The following NR2C2 variants were observed in gnomAD, a reference collection of about 807,000 sequenced individuals.
The protein encoded by NR2C2 is nuclear receptor subfamily 2 group C member 2, also known as Nuclear hormone receptor TR4.
A neutral mutation model predicts 62.9 loss-of-function variants in NR2C2; 6 were observed. The observed-to-expected ratio is 0.10, with a 90% CI of 0.05 to 0.19. The LOEUF (loss-of-function observed/expected upper bound fraction) is 0.19, where lower values mean the gene tolerates loss of function less well. NR2C2 is among the 10% of genes least tolerant of loss of function. The pLI, the probability that NR2C2 is intolerant of heterozygous loss-of-function variation, is 1.00. For missense variants in NR2C2, 479 were observed against 762.7 expected (o/e 0.63, Z 4.38); for synonymous variants, 272 against 273.8 (o/e 0.99, Z 0.07).
chr3:15,023,203 T>G lies in NR2C2; in HGVS notation c.560T>G (p.Val187Gly), dbSNP rs761862106. The change falls in exon 6 of 14, where the codon GTG becomes GGG. Residue 187 changes from valine (V) to glycine (G), a missense_variant. Physicochemically the swap from Val to Gly is moderately radical, Grantham distance 109 (BLOSUM62 -3). This residue lies in a region of NR2C2 where 51 missense variants were observed against 137.5 expected (regional missense o/e 0.37). Transcript: ENST00000425241. ...AATATTTATGTTGTGATTTAAGCTG[T>G]GCAGAGTGAACGGAAGCCCTTCGAT... ...CLEMGMKMES[V>G]QSERKPFDVQ... 1 of 1,614,200 alleles carries G rather than the reference T, an allele frequency of 6.2e-7. No homozygotes were observed. The highest frequency in any genetic ancestry group is 8.5e-7 in the Non-Finnish European group (1 of 1,180,006).
chr3:14,974,792 CAG>C (rs1470508081), intron 1 of NR2C2, among the ~76,000 whole-genome samples: 14 of 151,892 alleles, frequency 9.2e-5, no homozygotes, highest in Admixed American at 9.2e-4. Context: ...TTACTAGAGA[CAG>C]GGTTTCACCA....
At chr3:14,984,046 G>T (rs570945107) in intron 1 of NR2C2, among the ~76,000 whole-genome samples, 1 of 151,906 alleles carries the variant, frequency 6.6e-6, no homozygotes, top group Non-Finnish European at 1.5e-5. Flanking sequence ...GAGCCACCAC[G>T]CCTGGCTAAT....
chr3:14,951,554 T>TG (rs2125205420), intron 1 of NR2C2, among the ~76,000 whole-genome samples: 1 of 152,310 alleles, frequency 6.6e-6, no homozygotes, highest in East Asian at 1.9e-4. Flanking sequence ...TTCCTTAAGC[T>TG]AATTACTCAG....
Position 15,013,586 on chromosome 3 carries a change from T to C in NR2C2, c.73-3T>C, listed in dbSNP as rs116755955. On this transcript the variant is annotated splice_region_variant and splice_polypyrimidine_tract_variant and intron_variant, in intron 2 of 13. Coordinates refer to ENST00000425241, the MANE Select transcript of NR2C2 (RefSeq NM_001291694.2). ...AGAGCAGCCTCCATGTTGTGTCTTA[T>C]AGATTGTCACAGACCAGCAGACAGG... is the stretch of plus-strand genomic sequence containing the variant. 7,969 of 1,613,850 alleles carry C rather than the reference T, an allele frequency of 4.9e-3. 29 individuals carry two copies. Among genetic ancestry groups the C allele is most frequent in the Middle Eastern group, 7.3e-3 (44 of 6,006 alleles).
intron 5 of NR2C2, among the ~76,000 whole-genome samples, 178 bp downstream of exon 5, chr3:15,021,110 G>A (rs2041656936): frequency 6.6e-6 from 1 of 152,178 alleles, no homozygotes; most frequent in African/African-American, 2.4e-5. Flanking sequence ...CGCTGCAGGG[G>A]TTGGTCTCTT....
At chr3:14,951,470 A>G (rs1458512675) in intron 1 of NR2C2, among the ~76,000 whole-genome samples, 1 of 152,208 alleles carries the variant, frequency 6.6e-6, no homozygotes, top group East Asian at 1.9e-4. Flanking sequence ...TTTTAAAAAT[A>G]ATAATAGTTT....
intron 1 of NR2C2, among the ~76,000 whole-genome samples, chr3:14,957,836 A>G (rs1458755988): frequency 2.0e-5 from 3 of 151,928 alleles, no homozygotes; most frequent in African/African-American, 7.3e-5. Flanking sequence ...ATTTGAGTGC[A>G]TCATTTTTCT....
chr3:14,950,576 C>T (rs1354080616), intron 1 of NR2C2, among the ~76,000 whole-genome samples: 1 of 138,732 alleles, frequency 7.2e-6, no homozygotes, highest in Non-Finnish European at 1.5e-5. Flanking sequence ...AGCATCACTT[C>T]TTCAGGGAAG....
chr3:14,983,342 TCA>T (rs2040426872), intron 1 of NR2C2, among the ~76,000 whole-genome samples: 1 of 152,044 alleles, frequency 6.6e-6, no homozygotes, highest in African/African-American at 2.4e-5. Flanking sequence ...TCTGAGATGA[TCA>T]TATGATTTCT....
chr3:15,042,853 C>T lies in NR2C2; in HGVS notation c.1636C>T (p.Arg546Cys). The change falls in exon 14 of 14, where the codon CGC becomes TGC. Residue 546 changes from arginine (R) to cysteine (C), a missense_variant. Coordinates refer to ENST00000425241, the MANE Select transcript of NR2C2 (RefSeq NM_001291694.2). ...TTATAGATTGGCCCGGATCCTCGTTCGCCTGCCGGCACTCAGGCTGATGAG... is the reference window on the plus strand; with the variant it reads ...TTATAGATTGGCCCGGATCCTCGTTTGCCTGCCGGCACTCAGGCTGATGAG... ...DTYRLARILV[R>C]LPALRLMSSN... The T allele has an allele frequency of 6.2e-7, 1 of 1,614,030 alleles. No homozygotes were observed. The highest frequency in any genetic ancestry group is 8.5e-7 in the Non-Finnish European group (1 of 1,179,960).
intron 2 of NR2C2, among the ~76,000 whole-genome samples, chr3:15,010,097 A>G (rs1575000327): frequency 1.3e-5 from 2 of 152,320 alleles, no homozygotes; most frequent in South Asian, 4.1e-4. Flanking sequence ...TTCAGGGGGT[A>G]CAGTTCTATG....
chr3:15,021,017 C>G (rs755872651), intron 5 of NR2C2, 85 bp downstream of exon 5: 1 of 1,308,742 alleles, frequency 7.6e-7, no homozygotes, highest in African/African-American at 1.5e-5. Context: ...CTATACCTGG[C>G]CTTAAAATAC....
Position 15,013,724 on chromosome 3 carries a change from G to C in NR2C2, c.208G>C (p.Glu70Gln). Reference sequence around the variant, plus strand: ...TGGGAAGGTGATCCTGGCTTCCCCAGAGACATCCAGCGCCAAGCAACTCAT... The same window carrying C: ...TGGGAAGGTGATCCTGGCTTCCCCACAGACATCCAGCGCCAAGCAACTCAT... ...GTGKVILASP[E>Q]TSSAKQLIFT... Residue 70 changes from glutamate to glutamine, a missense_variant, in exon 3 of 14, where the codon GAG (glutamate) becomes CAG (glutamine). By Grantham distance (29) the Glu-to-Gln change is conservative (BLOSUM62 2). Around this residue, in one of 4 missense-constraint regions of NR2C2, gnomAD observed 115 missense variants for 152.3 expected, o/e 0.76. Coordinates refer to ENST00000425241, the MANE Select transcript of NR2C2 (RefSeq NM_001291694.2). 1.2e-6 allele frequency: 2 copies of C among 1,614,230 alleles called. No homozygotes were observed. Among genetic ancestry groups the C allele is most frequent in the Non-Finnish European group, 1.7e-6 (2 of 1,180,040 alleles).
At chr3:14,948,708 G>C (rs1443356284) in intron 1 of NR2C2, 2 of 152,420 alleles carry the variant, frequency 1.3e-5, no homozygotes, top group Non-Finnish European at 2.9e-5. Flanking sequence ...AATGAGTACT[G>C]AGGAACAATA....
chr3:15,029,792 A>AATACATAG (rs55834583), intron 8 of NR2C2, among the ~76,000 whole-genome samples: 8,842 of 139,244 alleles, frequency 0.064, 343 homozygotes, highest in Middle Eastern at 0.094. Flanking sequence ...GTAAATAAAT[A>AATACATAG]ATAGATAGAT....
chr3:14,957,372 C>T (rs2125232055), intron 1 of NR2C2, among the ~76,000 whole-genome samples: 2 of 151,568 alleles, frequency 1.3e-5, no homozygotes, highest in Non-Finnish European at 2.9e-5. Flanking sequence ...CTGTGCCCTA[C>T]TTCACTAAAG....
chr3:15,007,745 A>C (rs2041226795), intron 2 of NR2C2, among the ~76,000 whole-genome samples: 1 of 152,216 alleles, frequency 6.6e-6, no homozygotes, highest in Non-Finnish European at 1.5e-5. Context: ...GGATAAGACA[A>C]GACTGAGTGA....
At chr3:15,017,168 C>T (rs534807254) in intron 4 of NR2C2, among the ~76,000 whole-genome samples, 1 of 152,184 alleles carries the variant, frequency 6.6e-6, no homozygotes, top group African/African-American at 2.4e-5. Context: ...GAAGACAGCC[C>T]CAAGCAAGCA....
At position 14,977,961 on chromosome 3, in the gene NR2C2, AAAGAAG is replaced by A. The variant is rs558398719; in HGVS notation, c.-39-25900_-39-25895del. On this transcript the variant is annotated intron_variant, in intron 1 of 13. Transcript: ENST00000425241. ...GAGACTCTGCCTCAAAAAAAAAAAA[AAAGAAG>A]AAGAAGAAGAAGAACAGACTTCAGC... 1.6e-3 allele frequency among the ~76,000 whole-genome samples: 242 copies of A among 148,852 alleles called. 3 individuals are homozygous for A. Among genetic ancestry groups the A allele is most frequent in the Middle Eastern group, 3.5e-3 (1 of 288 alleles).
Sources: gnomAD v4.1 joint callset for allele counts (sites outside exome capture counted in the v4.1 genomes callset) on GRCh38, gnomAD v4.1.1 for gene constraint, gnomAD v4.1.1 regional missense constraint, MANE v1.5 for transcripts, NCBI Gene and HGNC (gene_info 2026-07-23, HGNC 2026-07-21) for gene names.